THSD7B: variants seen among roughly 807,000 people sequenced by gnomAD.
THSD7B encodes thrombospondin type-1 domain-containing protein 7B.
Under a neutral mutation model 213.6 loss-of-function variants are expected in THSD7B, and 138 were observed. That is an observed-to-expected ratio of 0.65 (90% CI 0.56 to 0.74). The LOEUF (loss-of-function observed/expected upper bound fraction) is 0.74, where lower values mean the gene tolerates loss of function less well. Among genes scored for constraint, THSD7B ranks in the 30% least tolerant of loss-of-function variants. The probability of loss-of-function intolerance (pLI) is 0.00; values close to 1 mark genes in which losing one functional copy is unlikely to be tolerated. For synonymous variants in THSD7B, 742 were observed against 687.0 expected, an observed-to-expected ratio of 1.08 and a Z score of -1.25; for missense variants, 1,931 against 1,991.5, an observed-to-expected ratio of 0.97 and a Z score of 0.58.
At chr2:137,652,914 T>G (rs1002606727) in intron 21 of THSD7B, among the ~76,000 whole-genome samples, 1 of 152,194 alleles carries the variant, frequency 6.6e-6, no homozygotes, top group African/African-American at 2.4e-5. Context: ...CATTCTTAGG[T>G]TGCTGTAGCT....
chr2:137,569,235 ACTCT>A (rs1276845579), intron 16 of THSD7B, among the ~76,000 whole-genome samples: 2 of 152,100 alleles, frequency 1.3e-5, no homozygotes, highest in African/African-American at 4.8e-5. Context: ...CTGATACCTG[ACTCT>A]CTGATGTTAG....
At chr2:137,666,735 CAA>C (rs1176194129) in intron 26 of THSD7B, among the ~76,000 whole-genome samples, 4 of 151,494 alleles carry the variant, frequency 2.6e-5, no homozygotes, top group Middle Eastern at 3.4e-3. Context: ...TAAAATAGAG[CAA>C]AAAGACATTA....
chr2:137,043,194 C>A (rs976657554), intron 2 of THSD7B, among the ~76,000 whole-genome samples: 3 of 152,192 alleles, frequency 2.0e-5, no homozygotes, highest in Non-Finnish European at 4.4e-5. Flanking sequence ...ATATCATTTT[C>A]TTTAACTTAC....
intron 1 of THSD7B, among the ~76,000 whole-genome samples, chr2:136,850,429 T>C (rs919066615): frequency 6.6e-6 from 1 of 152,060 alleles, no homozygotes; most frequent in Non-Finnish European, 1.5e-5. Flanking sequence ...ATAAAACAAG[T>C]GTAATTTCAG....
intron 2 of THSD7B, among the ~76,000 whole-genome samples, chr2:136,955,937 C>G (rs1445721479): frequency 1.3e-5 from 2 of 150,664 alleles, no homozygotes; most frequent in African/African-American, 4.9e-5. Flanking sequence ...GGATTATGGG[C>G]ATGAGCCACC....
chr2:136,788,878 AGTT>A (rs2104912251), intron 1 of THSD7B, among the ~76,000 whole-genome samples: 1 of 152,254 alleles, frequency 6.6e-6, no homozygotes, highest in South Asian at 2.1e-4. Context: ...ATCTTCAAAA[AGTT>A]GTTATTTTCA....
intron 17 of THSD7B, among the ~76,000 whole-genome samples, chr2:137,601,963 T>C (rs141281136): frequency 1.7e-4 from 26 of 152,334 alleles, no homozygotes; most frequent in African/African-American, 6.0e-4. Flanking sequence ...GCCTATTCAA[T>C]AGAGTGCTCT....
intron 7 of THSD7B, among the ~76,000 whole-genome samples, chr2:137,177,985 C>T (rs546543562): frequency 1.3e-5 from 2 of 150,378 alleles, no homozygotes; most frequent in African/African-American, 2.4e-5. Flanking sequence ...ACAGGAGAAT[C>T]GCTTGAACCT....
chr2:136,825,718 A>ATTTTTTTTTTTTTTGTTTTTTTTTT (rs759978910), intron 1 of THSD7B, among the ~76,000 whole-genome samples: 5 of 116,896 alleles, frequency 4.3e-5, no homozygotes, highest in Admixed American at 2.0e-4. Context: ...TGCCTGGCTA[A>ATTTTTTTTTTTTTTGTTTTTTTTTT]TTTTTTTTTT....
rs1445642803 is a variant in THSD7B at position 137,056,605 on chromosome 2, T to G, written c.325T>G (p.Ser109Ala). 3 of 1,613,830 alleles carry G rather than the reference T, an allele frequency of 1.9e-6. No homozygotes were observed. The Admixed American group carries it at 5.0e-5, about 27-fold the overall frequency. Residue 109 changes from serine to alanine, a missense_variant, in exon 3 of 28, where the codon TCT (serine) becomes GCT (alanine). Physicochemically the swap from Ser to Ala is moderately conservative, Grantham distance 99 (BLOSUM62 1). Coordinates refer to ENST00000409968, the MANE Select transcript of THSD7B (RefSeq NM_001316349.2). The part of the protein sequence containing the change: ...WHSDLFQWEV[S>A]DWHHCVLVPY... ...CAGTGACCTCTTTCAGTGGGAGGTTTCTGACTGGCACCACTGTGTGCTTGT... is the reference window on the plus strand; with the variant it reads ...CAGTGACCTCTTTCAGTGGGAGGTTGCTGACTGGCACCACTGTGTGCTTGT...
intron 2 of THSD7B, among the ~76,000 whole-genome samples, chr2:136,914,912 G>A (rs1002050429): frequency 3.3e-5 from 5 of 152,038 alleles, no homozygotes; most frequent in African/African-American, 1.2e-4. Context: ...GTATAATTTT[G>A]AGCTATATTA....
chr2:137,306,501 A>G (rs984503564), intron 12 of THSD7B, among the ~76,000 whole-genome samples: 1 of 152,132 alleles, frequency 6.6e-6, no homozygotes, highest in Non-Finnish European at 1.5e-5. Context: ...GGATTTGTCA[A>G]TGTGTTTATC....
chr2:137,191,631 C>T (rs551858857), intron 7 of THSD7B, among the ~76,000 whole-genome samples: 1 of 151,952 alleles, frequency 6.6e-6, no homozygotes, highest in African/African-American at 2.4e-5. Context: ...ATACCCTAGA[C>T]CATGGCCCCA....
intron 12 of THSD7B, among the ~76,000 whole-genome samples, chr2:137,305,832 T>G (rs1046367739): frequency 6.6e-6 from 1 of 152,144 alleles, no homozygotes; most frequent in East Asian, 1.9e-4. Flanking sequence ...GACACACATC[T>G]AGATAGGATA....
At chr2:137,556,550 C>T (rs534439104) in intron 15 of THSD7B, among the ~76,000 whole-genome samples, 1 of 152,290 alleles carries the variant, frequency 6.6e-6, no homozygotes, top group East Asian at 1.9e-4. Context: ...AAGCACTAAA[C>T]ATGGAAAGGA....
chr2:137,327,438 C>A (rs1684396920), intron 12 of THSD7B, among the ~76,000 whole-genome samples: 1 of 152,010 alleles, frequency 6.6e-6, no homozygotes, highest in South Asian at 2.1e-4. Context: ...ATTATTCCAA[C>A]CTCTGACATC....
At chr2:137,479,346 A>G (rs1245511587) in intron 15 of THSD7B, 3 of 207,754 alleles carry the variant, frequency 1.4e-5, no homozygotes, top group African/African-American at 4.7e-5. Flanking sequence ...GGTAATTCCC[A>G]GGCTCCCAGA....
At chr2:136,965,069 A>G (rs966161024) in intron 2 of THSD7B, among the ~76,000 whole-genome samples, 2 of 150,642 alleles carry the variant, frequency 1.3e-5, no homozygotes, top group African/African-American at 4.9e-5. Context: ...CTCATTATCC[A>G]TTAACACTTT....
intron 10 of THSD7B, among the ~76,000 whole-genome samples, chr2:137,243,863 C>A (rs1328355750): frequency 6.6e-6 from 1 of 152,118 alleles, no homozygotes; most frequent in Non-Finnish European, 1.5e-5. Context: ...TAGTAGCATA[C>A]AATGAGATTT....
Sources: gnomAD v4.1 joint callset for allele counts (sites outside exome capture counted in the v4.1 genomes callset) on GRCh38, gnomAD v4.1.1 for gene constraint, MANE v1.5 for transcripts, NCBI Gene and HGNC (gene_info 2026-07-23, HGNC 2026-07-21) for gene names.